The following MBD3 variants were observed in gnomAD, a reference collection of about 807,000 sequenced individuals.
The protein encoded by MBD3 is methyl-CpG-binding domain protein 3.
Under a neutral mutation model 31.2 loss-of-function variants are expected in MBD3, and 13 were observed. The observed-to-expected ratio is 0.42, with a 90% CI of 0.27 to 0.66. MBD3 has a LOEUF of 0.66. Among genes scored for constraint, MBD3 ranks in the 30% least tolerant of loss-of-function variants. The pLI is 0.26. For synonymous variants in MBD3, 223 were observed against 187.4 expected, an observed-to-expected ratio of 1.19 and a Z score of -1.55; for missense variants, 440 against 426.5, an observed-to-expected ratio of 1.03 and a Z score of -0.28.
In MBD3 at chr19:1,592,662, C is replaced by CCGCCGCCGCCGCCCGGACCCCCACT. The variant is rs758257433; in HGVS notation, c.-56_-32dup. 1.1e-6 allele frequency: 1 copy of CCGCCGCCGCCGCCCGGACCCCCACT among 910,008 alleles called. No homozygotes were observed. The highest frequency in any genetic ancestry group is 3.6e-5 in the Admixed American group (1 of 27,558). The allele number at this position is 910,008 out of a possible 1,614,324, so 56.4% of individuals were successfully genotyped here. A position where few individuals can be genotyped will look rare whatever the true frequency, so the allele number is the denominator to read the frequency against. On this transcript the variant is annotated 5_prime_UTR_variant, in exon 1 of 7. Coordinates refer to ENST00000434436, the MANE Select transcript of MBD3 (RefSeq NM_001281453.2). ...CCGGCTCCTCGGCCCGCCGCCGGGC[C>CCGCCGCCGCCGCCCGGACCCCCACT]CGCCGCCGCCGCCCGGACCCCCACT...
In MBD3 at chr19:1,592,701, T is replaced by G; in HGVS notation, c.-70A>C. The G allele has an allele frequency of 2.1e-6, 1 of 468,248 alleles. No individual in the cohort carries two copies. Among genetic ancestry groups the G allele is most frequent in the Admixed American group, 6.3e-5 (1 of 15,966 alleles). The allele number at this position is 468,248 out of a possible 1,614,324, so 29.0% of individuals were successfully genotyped here. Reference sequence around the variant, plus strand: ...CGGACCCCCACTCGCCGCCGCCGCCTCAGCTGCCTCCGCTGCCGCTGCCGC... The same window carrying G: ...CGGACCCCCACTCGCCGCCGCCGCCGCAGCTGCCTCCGCTGCCGCTGCCGC... On this transcript the variant is annotated 5_prime_UTR_variant, in exon 1 of 7. Coordinates refer to ENST00000434436, the MANE Select transcript of MBD3 (RefSeq NM_001281453.2).
At position 1,585,545 on chromosome 19, in the gene MBD3, A is replaced by C; in HGVS notation, c.111-331T>G. The stretch of plus-strand genomic sequence containing the variant: ...ATCGGATCCTTGCTCCAGACCCCCA[A>C]CCCCGGTCCCCTCTGAATCCTCCCC... On this transcript the variant is annotated intron_variant, in intron 1 of 6. Transcript: ENST00000434436. The surrounding 1 kb of genome is among the most constrained non-coding windows in gnomAD (Gnocchi z 4.1). 19 of 351,584 alleles carry C rather than the reference A, an allele frequency of 5.4e-5. No individual in the cohort carries two copies. The highest frequency in any genetic ancestry group is 8.2e-5 in the Admixed American group (2 of 24,346). 21.8% of individuals were successfully genotyped at this position (351,584 alleles called of 1,614,324 possible).
rs2060676359 is a variant in MBD3, at chr19:1,585,746, G to GCAC, written c.111-533_111-532insGTG. On this transcript the variant is annotated intron_variant, in intron 1 of 6. Coordinates refer to ENST00000434436, the MANE Select transcript of MBD3 (RefSeq NM_001281453.2). This position sits in a 1 kb window ranked among gnomAD's most constrained non-coding sequence, Gnocchi z 4.1. ...GACCCCACGGAGAACAGGTATGTGA[G>GCAC]GGACAGCCCTAAAAGCAATCTTCTT... Among the ~76,000 whole-genome samples the GCAC allele has an allele frequency of 6.6e-6, 1 of 152,214 alleles. No individual in the cohort carries two copies. Among genetic ancestry groups the GCAC allele is most frequent in the South Asian group, 2.1e-4 (1 of 4,834 alleles).
At chr19:1,580,214 G>A (rs1043396351) in intron 5 of MBD3, among the ~76,000 whole-genome samples, 11 of 152,234 alleles carry the variant, frequency 7.2e-5, no homozygotes, top group African/African-American at 2.4e-4. Context: ...AAACCCAAAA[G>A]AGGGGGCCCA....
Position 1,578,984 on chromosome 19 carries a change from G to A in MBD3, c.678-446C>T, listed in dbSNP as rs991210076. On this transcript the variant is annotated intron_variant, in intron 5 of 6. Coordinates refer to ENST00000434436, the MANE Select transcript of MBD3 (RefSeq NM_001281453.2). The surrounding 1 kb of genome is among the most constrained non-coding windows in gnomAD (Gnocchi z 6.1). ...AGATCACTTGAGGTCAGGCGTTCGA[G>A]ACCAGCCTGACCAACATGACGAAAC... Among the ~76,000 whole-genome samples, 1 of 151,978 alleles carries A rather than the reference G, an allele frequency of 6.6e-6. No individual in the cohort carries two copies. Among genetic ancestry groups the A allele is most frequent in the Non-Finnish European group, 1.5e-5 (1 of 67,990 alleles).
chr19:1,592,562 A>G lies in MBD3; in HGVS notation c.70T>C (p.Ser24Pro). The G allele has an allele frequency of 2.1e-6, 3 of 1,444,768 alleles. No homozygotes were observed. Among genetic ancestry groups the G allele is most frequent in the Non-Finnish European group, 2.8e-6 (3 of 1,077,188 alleles). 89.5% of individuals were successfully genotyped at this position (1,444,768 alleles called of 1,614,324 possible). A position where few individuals can be genotyped will look rare whatever the true frequency, so the allele number is the denominator to read the frequency against. Residue 24 changes from serine (S) to proline (P), a missense_variant, in exon 1 of 7, where the codon TCG (serine) becomes CCG (proline). Ser to Pro is a moderately conservative substitution (Grantham distance 74, BLOSUM62 -1). This residue lies in a region of MBD3 where 179 missense variants were observed against 134.7 expected (regional missense o/e 1.33). Transcript: ENST00000434436. Reference sequence around the variant, plus strand: ...TCCCTGTGGCCGGCCGACAGCCCCGACCTTCTGGGCACTTCTTCCCTCTCC... The same window carrying G: ...TCCCTGTGGCCGGCCGACAGCCCCGGCCTTCTGGGCACTTCTTCCCTCTCC... ...GWEREEVPRR[S>P]GLSAGHRDVF...
chr19:1,591,246 G>C (rs1229939425), intron 1 of MBD3, among the ~76,000 whole-genome samples: 1 of 152,192 alleles, frequency 6.6e-6, no homozygotes, highest in Non-Finnish European at 1.5e-5. Context: ...CAGCTCATAA[G>C]GGTACACATT....
Position 1,585,066 on chromosome 19 carries a change from TGGA to T in MBD3, c.256_258del (p.Ser86del), listed in dbSNP as rs1382982875. On this transcript the variant is annotated inframe_deletion, in exon 2 of 7. Transcript: ENST00000434436. This position sits in a 1 kb window ranked among gnomAD's most constrained non-coding sequence, Gnocchi z 4.1. ...ACGCCACCACTCACCTTGACCTGGTTGGAGGAGTCGTAGCGCACGCGCTGGCGG... is the reference window on the plus strand; with the variant it reads ...ACGCCACCACTCACCTTGACCTGGTTGGAGTCGTAGCGCACGCGCTGGCGG... 4 of 1,611,968 alleles carry T rather than the reference TGGA, an allele frequency of 2.5e-6. No homozygotes were observed. The highest frequency in any genetic ancestry group is 1.1e-5 in the South Asian group (1 of 91,084).
intron 4 of MBD3, among the ~76,000 whole-genome samples, chr19:1,582,299 T>C (rs1568275043): frequency 1.3e-5 from 2 of 152,188 alleles, no homozygotes; most frequent in Non-Finnish European, 2.9e-5. Context: ...CAAAGTCAGC[T>C]GTCCTTGTTT....
chr19:1,590,446 G>T (rs2060698418), intron 1 of MBD3, among the ~76,000 whole-genome samples: 1 of 151,924 alleles, frequency 6.6e-6, no homozygotes, highest in African/African-American at 2.4e-5. Flanking sequence ...AGGCAACACA[G>T]CAAAACCCCA....
rs1365709528 is a variant in MBD3, at chr19:1,582,047, G to GT, written c.499+574dup. Among the ~76,000 whole-genome samples, 10 of 152,204 alleles carry GT rather than the reference G, an allele frequency of 6.6e-5. No individual in the cohort carries two copies. In the East Asian group the frequency reaches 1.9e-3, roughly 29 times the overall value. On this transcript the variant is annotated intron_variant, in intron 4 of 6. Coordinates refer to ENST00000434436, the MANE Select transcript of MBD3 (RefSeq NM_001281453.2). ...CTCCCAGAGTGTTGGGATTACAGGC[G>GT]TGAGCCACTGCACCTGGCCTTGCTC...
rs781016674 is a variant in MBD3, at chr19:1,582,613, C to A, written c.499+9G>T. 15 of 1,612,680 alleles carry A rather than the reference C, an allele frequency of 9.3e-6. No individual in the cohort carries two copies. The highest frequency in any genetic ancestry group is 1.3e-5 in the Non-Finnish European group (15 of 1,179,388). On this transcript the variant is annotated intron_variant, in intron 4 of 6. Coordinates refer to ENST00000434436, the MANE Select transcript of MBD3 (RefSeq NM_001281453.2). The stretch of plus-strand genomic sequence containing the variant: ...TCCCCTTCCGCCTCCCCTCAGGGTG[C>A]CCGCTCACCCTGCAGGCCCTTGGGG...
At chr19:1,582,483 T>C in intron 4 of MBD3, 139 bp downstream of exon 4, 1 of 777,856 alleles carries the variant, frequency 1.3e-6, no homozygotes, top group Non-Finnish European at 2.2e-6. Flanking sequence ...CCCCTCCTCC[T>C]GCCCCAGTCG....
Position 1,575,120 on chromosome 19 carries a change from C to A in MBD3, c.*3044G>T. ...GAGGGGAGGCGGGGGACACGTGAGG[C>A]TCTTGCTGCTGCTGGCAAGTGCCAG... On this transcript the variant is annotated 3_prime_UTR_variant, in exon 7 of 7. Coordinates refer to ENST00000434436, the MANE Select transcript of MBD3 (RefSeq NM_001281453.2). 1 of 404,070 alleles carries A rather than the reference C, an allele frequency of 2.5e-6. No homozygotes were observed. The highest frequency in any genetic ancestry group is 5.1e-6 in the Non-Finnish European group (1 of 196,990). 25.0% of individuals were successfully genotyped at this position (404,070 alleles called of 1,614,324 possible).
intron 1 of MBD3, among the ~76,000 whole-genome samples, chr19:1,589,767 A>G (rs914471970): frequency 1.3e-5 from 2 of 152,058 alleles, no homozygotes; most frequent in African/African-American, 4.8e-5. Context: ...CAGGAGGTCA[A>G]GGAATGCAGT....
chr19:1,580,037 C>T (rs902420818), intron 5 of MBD3, among the ~76,000 whole-genome samples: 8 of 152,258 alleles, frequency 5.3e-5, no homozygotes, highest in African/African-American at 4.8e-5. Flanking sequence ...GGATTACAGG[C>T]GTCAGCCACT....
Position 1,578,467 on chromosome 19 carries a change from T to C in MBD3, c.749A>G (p.His250Arg), listed in dbSNP as rs1402494784. The part of the protein sequence containing the change: ...EEALMADMLA[H>R]VEELARDGEA... Reference sequence around the variant, plus strand: ...CCCGTCACGGGCCAGCTCCTCCACGTGCGCCAGCATGTCGGCCATCAGCGC... The same window carrying C: ...CCCGTCACGGGCCAGCTCCTCCACGCGCGCCAGCATGTCGGCCATCAGCGC... The change falls in exon 6 of 7, where the codon CAC becomes CGC. Residue 250 changes from histidine to arginine, a missense_variant. By Grantham distance (29) the His-to-Arg change is conservative (BLOSUM62 0). Around this residue, in one of 3 missense-constraint regions of MBD3, gnomAD observed 117 missense variants for 95.0 expected, o/e 1.23. Coordinates refer to ENST00000434436, the MANE Select transcript of MBD3 (RefSeq NM_001281453.2). This position sits in a 1 kb window ranked among gnomAD's most constrained non-coding sequence, Gnocchi z 6.1. 4.3e-6 allele frequency: 7 copies of C among 1,609,828 alleles called. No individual in the cohort carries two copies. Among genetic ancestry groups the C allele is most frequent in the Non-Finnish European group, 5.9e-6 (7 of 1,179,900 alleles).
chr19:1,576,244 C>A lies in MBD3; in HGVS notation c.*1920G>T, dbSNP rs1037689543. The A allele has an allele frequency of 1.3e-5, 2 of 152,404 alleles. No homozygotes were observed. Among genetic ancestry groups the A allele is most frequent in the Non-Finnish European group, 2.9e-5 (2 of 68,230 alleles). The allele number at this position is 152,404 out of a possible 1,614,324, so 9.4% of individuals were successfully genotyped here. On this transcript the variant is annotated 3_prime_UTR_variant, in exon 7 of 7. Transcript: ENST00000434436. ...AGCCTTCAGGTCCAGAAAGCAGCTT[C>A]CAGTGGCCATGGCTAGTGAGCTGAA...
In MBD3 at chr19:1,575,080, T is replaced by G. The variant is rs1599334998; in HGVS notation, c.*3084A>C. The G allele has an allele frequency of 2.7e-6, 1 of 374,356 alleles. No homozygotes were observed. Among genetic ancestry groups the G allele is most frequent in the Non-Finnish European group, 5.5e-6 (1 of 182,022 alleles). The allele number at this position is 374,356 out of a possible 1,614,324, so 23.2% of individuals were successfully genotyped here. ...CTGGTACCCTCTGTGGCGGCAGCGG[T>G]GGGGAGCTTGGTCTGAGGGGAGGCG... On this transcript the variant is annotated 3_prime_UTR_variant, in exon 7 of 7. Coordinates refer to ENST00000434436, the MANE Select transcript of MBD3 (RefSeq NM_001281453.2).
Sources: allele counts gnomAD v4.1 joint callset (sites outside exome capture counted in the v4.1 genomes callset), GRCh38; gene constraint gnomAD v4.1.1; regional missense constraint gnomAD v4.1.1; non-coding constraint Gnocchi (gnomAD v3.1); transcripts MANE v1.5; gene names NCBI Gene and HGNC (gene_info 2026-07-23, HGNC 2026-07-21).